SCFD2: variants seen among roughly 807,000 people sequenced by gnomAD.
SCFD2 encodes the protein sec1 family domain containing 2, also known as sec1 family domain-containing protein 2.
SCFD2 carries 54 observed loss-of-function variants against 58.9 expected under a neutral mutation model. That is an observed-to-expected ratio of 0.92 (90% CI 0.74 to 1.15). The LOEUF (loss-of-function observed/expected upper bound fraction) is 1.15, where lower values mean the gene tolerates loss of function less well. SCFD2 is among the 50% of genes most tolerant of loss of function. The pLI, the probability that SCFD2 is intolerant of heterozygous loss-of-function variation, is 0.00. For synonymous variants in SCFD2, 321 were observed against 335.9 expected (o/e 0.96, Z 0.49); for missense variants, 805 against 836.6 (o/e 0.96, Z 0.47).
intron 5 of SCFD2, among the ~76,000 whole-genome samples, chr4:52,991,855 A>G (rs1259620643): frequency 6.6e-6 from 1 of 152,210 alleles, no homozygotes; most frequent in East Asian, 1.9e-4. Flanking sequence ...TATCTGTCCC[A>G]AAGTGATCTT....
intron 5 of SCFD2, among the ~76,000 whole-genome samples, chr4:53,129,687 T>A (rs1049219686): frequency 6.6e-6 from 1 of 152,240 alleles, no homozygotes; most frequent in Non-Finnish European, 1.5e-5. Context: ...TGATTAAGGA[T>A]AAATTTTCTT....
chr4:53,149,608 C>T (rs1427396890), intron 4 of SCFD2, among the ~76,000 whole-genome samples: 1 of 152,120 alleles, frequency 6.6e-6, no homozygotes, highest in Non-Finnish European at 1.5e-5. Context: ...CATTTAGTGA[C>T]TTGCTTCTAA....
chr4:53,007,305 G>GGAGAGAGAGAGAGAGAGAGAGA lies in SCFD2; in HGVS notation c.1562-86457_1562-86436dup, dbSNP rs147645284. 2.8e-3 allele frequency among the ~76,000 whole-genome samples: 185 copies of GGAGAGAGAGAGAGAGAGAGAGA among 66,052 alleles called. 8 individuals are homozygous for GGAGAGAGAGAGAGAGAGAGAGA. Among genetic ancestry groups the GGAGAGAGAGAGAGAGAGAGAGA allele is most frequent in the Non-Finnish European group, 3.1e-3 (116 of 36,946 alleles). 43.3% of individuals were successfully genotyped at this position (66,052 alleles called of 152,430 possible). A position where few individuals can be genotyped will look rare whatever the true frequency, so the allele number is the denominator to read the frequency against. ...AGGAGAGAGAGGGAGAGAGGGAGAG[G>GGAGAGAGAGAGAGAGAGAGAGA]GAGAGAGAGAGAGAGAGAGAGAGAG... On this transcript the variant is annotated intron_variant, in intron 5 of 8. Coordinates refer to ENST00000401642, the MANE Select transcript of SCFD2 (RefSeq NM_152540.4).
At chr4:52,889,138 A>C (rs1255197522) in intron 7 of SCFD2, among the ~76,000 whole-genome samples, 1 of 152,200 alleles carries the variant, frequency 6.6e-6, no homozygotes, top group African/African-American at 2.4e-5. Context: ...GATTACTTCC[A>C]CATTAGATCG....
Position 53,233,644 on chromosome 4 carries a change from C to T in SCFD2, c.1311+40182G>A, listed in dbSNP as rs185285776. 3.0e-3 allele frequency among the ~76,000 whole-genome samples: 451 copies of T among 152,296 alleles called. 2 individuals carry two copies. Among genetic ancestry groups the T allele is most frequent in the Non-Finnish European group, 5.2e-3 (353 of 68,016 alleles). The stretch of plus-strand genomic sequence containing the variant: ...TGATCAGATGCTTGGCACAGATTCA[C>T]CTAACTCCAAATCTGGCCATATGCC... On this transcript the variant is annotated intron_variant, in intron 4 of 8. Transcript: ENST00000401642.
chr4:53,240,537 G>T (rs1486573033), intron 4 of SCFD2, among the ~76,000 whole-genome samples: 1 of 152,078 alleles, frequency 6.6e-6, no homozygotes, highest in Non-Finnish European at 1.5e-5. Context: ...ACTTCTTTTT[G>T]CATACAACTA....
At chr4:53,073,908 C>A (rs1366573060) in intron 5 of SCFD2, among the ~76,000 whole-genome samples, 2 of 152,024 alleles carry the variant, frequency 1.3e-5, no homozygotes, top group African/African-American at 4.8e-5. Context: ...GAGAGACTTG[C>A]CTTGATGTTG....
chr4:53,007,305 G>GGAGAGAGGGAGAGAGA (rs1721991490), intron 5 of SCFD2, among the ~76,000 whole-genome samples: 1 of 66,072 alleles, frequency 1.5e-5, no homozygotes, highest in Non-Finnish European at 2.7e-5. Flanking sequence ...AGAGGGAGAG[G>GGAGAGAGGGAGAGAGA]GAGAGAGAGA....
intron 5 of SCFD2, among the ~76,000 whole-genome samples, chr4:52,991,983 GCCTCTC>G (rs1373090942): frequency 7.2e-5 from 11 of 151,814 alleles, no homozygotes; most frequent in African/African-American, 1.2e-4. Context: ...GTATGTTTTT[GCCTCTC>G]CCTCTCCCTC....
At chr4:53,232,975 GGCA>G in intron 4 of SCFD2, among the ~76,000 whole-genome samples, 1 of 152,230 alleles carries the variant, frequency 6.6e-6, no homozygotes, top group East Asian at 1.9e-4. Context: ...TCTAGTCTCA[GGCA>G]CCCACTAATG....
At chr4:53,135,724 G>C (rs1379816612) in intron 5 of SCFD2, among the ~76,000 whole-genome samples, 1 of 151,824 alleles carries the variant, frequency 6.6e-6, no homozygotes, top group East Asian at 1.9e-4. Flanking sequence ...CCTGGCAACA[G>C]AGCGAGACTC....
At chr4:52,944,286 T>C (rs1442192317) in intron 5 of SCFD2, among the ~76,000 whole-genome samples, 1 of 152,210 alleles carries the variant, frequency 6.6e-6, no homozygotes, top group Non-Finnish European at 1.5e-5. Context: ...ACTGCAGAAA[T>C]GTTATTGAGT....
chr4:52,955,877 T>C (rs980099602), intron 5 of SCFD2: 5 of 353,874 alleles, frequency 1.4e-5, no homozygotes, highest in Non-Finnish European at 2.8e-5. Flanking sequence ...CAAGTTAGCA[T>C]GCTCTAATTG....
In SCFD2 at chr4:53,298,524, G is replaced by T. The variant is rs533810284; in HGVS notation, c.1135+15112C>A. Among the ~76,000 whole-genome samples, 705 of 152,306 alleles carry T rather than the reference G, an allele frequency of 4.6e-3. 8 individuals are homozygous for T. Among genetic ancestry groups the T allele is most frequent in the African/African-American group, 0.016 (673 of 41,576 alleles). ...TGTAGGCTCCACCTCTGGGGGCAGG[G>T]CTCAGACAAACAAAAGACAGCAATA... is the stretch of plus-strand genomic sequence containing the variant. On this transcript the variant is annotated intron_variant, in intron 3 of 8. Coordinates refer to ENST00000401642, the MANE Select transcript of SCFD2 (RefSeq NM_152540.4).
intron 5 of SCFD2, among the ~76,000 whole-genome samples, chr4:53,130,466 A>C (rs1725756466): frequency 1.3e-5 from 2 of 152,194 alleles, no homozygotes; most frequent in Non-Finnish European, 2.9e-5. Context: ...GTTTTTGTAC[A>C]TTGGTATCCC....
intron 5 of SCFD2, among the ~76,000 whole-genome samples, chr4:53,024,532 TG>T (rs1343442971): frequency 1.3e-5 from 2 of 152,168 alleles, no homozygotes; most frequent in Non-Finnish European, 1.5e-5. Flanking sequence ...AAGACACTAT[TG>T]GTTCTTTCTA....
chr4:53,359,733 C>T (rs1400329317), intron 1 of SCFD2, among the ~76,000 whole-genome samples: 1 of 152,192 alleles, frequency 6.6e-6, no homozygotes, highest in African/African-American at 2.4e-5. Context: ...TCATGAGCTT[C>T]CCAGCTCCCT....
At chr4:53,287,620 G>A (rs1309202105) in intron 3 of SCFD2, among the ~76,000 whole-genome samples, 2 of 152,062 alleles carry the variant, frequency 1.3e-5, no homozygotes, top group Non-Finnish European at 2.9e-5. Flanking sequence ...CTATAAATTG[G>A]GAAGAGACAA....
In SCFD2 at chr4:52,945,232, C is replaced by CT. The variant is rs1404548098; in HGVS notation, c.1562-24363dup. 3.3e-5 allele frequency among the ~76,000 whole-genome samples: 5 copies of CT among 152,152 alleles called. No homozygotes were observed. The East Asian group carries it at 9.6e-4, about 29-fold the overall frequency. Reference sequence around the variant, plus strand: ...TTAGAAAAAGAGATCTCAAGAGGGACTTGTGCTTTTATCTCTATTGTTTAA... The same window carrying CT: ...TTAGAAAAAGAGATCTCAAGAGGGACTTTGTGCTTTTATCTCTATTGTTTAA... On this transcript the variant is annotated intron_variant, in intron 5 of 8. Coordinates refer to ENST00000401642, the MANE Select transcript of SCFD2 (RefSeq NM_152540.4).
Sources: allele counts gnomAD v4.1 joint callset (sites outside exome capture counted in the v4.1 genomes callset), GRCh38; gene constraint gnomAD v4.1.1; transcripts MANE v1.5; gene names NCBI Gene and HGNC (gene_info 2026-07-23, HGNC 2026-07-21).